PSG7: variants seen among roughly 807,000 people sequenced by gnomAD.
The protein encoded by PSG7 is pregnancy-specific beta-1-glycoprotein 7.
Under a neutral mutation model 45.6 loss-of-function variants are expected in PSG7, and 57 were observed. That is an observed-to-expected ratio of 1.25 (90% CI 1.01 to 1.56). The LOEUF is 1.56. Ranked by LOEUF, PSG7 falls within the 40% of genes most tolerant of loss-of-function variation. The pLI is 0.00. For missense variants in PSG7, 796 were observed against 508.4 expected, an observed-to-expected ratio of 1.57 and a Z score of -5.44; for synonymous variants, 298 against 194.4, an observed-to-expected ratio of 1.53 and a Z score of -4.43.
intron 3 of PSG7, chr19:42,926,963 G>A: frequency 2.7e-6 from 2 of 728,202 alleles, no homozygotes; most frequent in Non-Finnish European, 4.2e-6. Context: ...GCTGGGTCAT[G>A]GACAGACATG....
At chr19:42,933,395 T>G (rs1423205575) in intron 2 of PSG7, among the ~76,000 whole-genome samples, 1 of 141,276 alleles carries the variant, frequency 7.1e-6, no homozygotes, top group Non-Finnish European at 1.5e-5. Context: ...GAACTGCCTA[T>G]CCCTGTCCCA....
rs772154626 is a variant in PSG7 at position 42,924,191 on chromosome 19, A to C, written c.*617T>G. ...ATCAGTCTTACTGTCACGTTTTACA[A>C]TGTATCTCTTAGGAAATGGTGAGAG... is the stretch of plus-strand genomic sequence containing the variant. On this transcript the variant is annotated 3_prime_UTR_variant, in exon 6 of 6. Transcript: ENST00000406070. 25 of 182,136 alleles carry C rather than the reference A, an allele frequency of 1.4e-4. No homozygotes were observed. Among genetic ancestry groups the C allele is most frequent in the South Asian group, 1.9e-4 (1 of 5,354 alleles). 11.3% of individuals were successfully genotyped at this position (182,136 alleles called of 1,614,324 possible).
chr19:42,933,309 T>TA (rs1568459658), intron 2 of PSG7, among the ~76,000 whole-genome samples: 10 of 21,128 alleles, frequency 4.7e-4, no homozygotes, highest in Admixed American at 7.8e-4. Flanking sequence ...ATATATATAT[T>TA]TTTTTTTTTT....
At chr19:42,935,826 A>T in intron 1 of PSG7, 57 bp from the exon 2 acceptor site, 2 of 1,548,166 alleles carry the variant, frequency 1.3e-6, no homozygotes, top group Non-Finnish European at 1.7e-6. Context: ...GGTTGAAAAG[A>T]TGGGCCCCTG....
chr19:42,926,199 C>G, intron 4 of PSG7, 172 bp from the exon 5 acceptor site: 1 of 1,400,854 alleles, frequency 7.1e-7, no homozygotes, highest in Non-Finnish European at 9.6e-7. Context: ...TTTCTCCCAT[C>G]ACAAGCTGTG....
chr19:42,929,350 T>C, intron 3 of PSG7, 92 bp downstream of exon 3: 6 of 1,605,762 alleles, frequency 3.7e-6, no homozygotes, highest in South Asian at 1.1e-5. Context: ...AAGGTCTACA[T>C]ACTTGGACCT....
At chr19:42,931,769 C>A (rs1168217081) in intron 2 of PSG7, among the ~76,000 whole-genome samples, 1 of 151,600 alleles carries the variant, frequency 6.6e-6, no homozygotes, top group East Asian at 1.9e-4. Context: ...GGTCCCCAAA[C>A]CACCTGTATT....
chr19:42,924,623 G>A lies in PSG7; in HGVS notation c.*185C>T, dbSNP rs1261456210. 6.0e-6 allele frequency: 4 copies of A among 666,930 alleles called. No homozygotes were observed. Among genetic ancestry groups the A allele is most frequent in the Admixed American group, 4.6e-5 (2 of 43,150 alleles). The allele number at this position is 666,930 out of a possible 1,614,324, so 41.3% of individuals were successfully genotyped here. A position where few individuals can be genotyped will look rare whatever the true frequency, so the allele number is the denominator to read the frequency against. On this transcript the variant is annotated 3_prime_UTR_variant, in exon 6 of 6. Transcript: ENST00000406070. ...CTTGTTTTCCTTGTTTACAGTTTGA[G>A]CAGCTGTTGTTATGGTGTTGAACAT... is the stretch of plus-strand genomic sequence containing the variant.
rs376041907 is a variant in PSG7 at position 42,929,843 on chromosome 19, A to C, written c.431-123T>G. 6.4e-6 allele frequency: 9 copies of C among 1,406,442 alleles called. No homozygotes were observed. In the East Asian group the frequency reaches 7.0e-5, roughly 11 times the overall value. The allele number at this position is 1,406,442 out of a possible 1,614,324, so 87.1% of individuals were successfully genotyped here. On this transcript the variant is annotated intron_variant, in intron 2 of 5. Transcript: ENST00000406070. The stretch of plus-strand genomic sequence containing the variant: ...ACCCAAGTCCTTAAAAGCCCATGGC[A>C]GGTGTGTGTGTTACAAGACAGATGC...
intron 3 of PSG7, among the ~76,000 whole-genome samples, chr19:42,927,793 T>G (rs1972928426): frequency 6.6e-6 from 1 of 151,530 alleles, no homozygotes. Flanking sequence ...TGTTCATGGG[T>G]GGGCAGTTTC....
At position 42,931,479 on chromosome 19, in the gene PSG7, G is replaced by A. The variant is rs1207183479; in HGVS notation, c.431-1759C>T. Among the ~76,000 whole-genome samples, 3 of 151,594 alleles carry A rather than the reference G, an allele frequency of 2.0e-5. 1 individual carries two copies. Among genetic ancestry groups the A allele is most frequent in the Non-Finnish European group, 4.4e-5 (3 of 67,918 alleles). Reference sequence around the variant, plus strand: ...AGTGTTATGTTAGTAAATATAGAAAGAACTGCCTGCTTATAATTTCTGGGC... The same window carrying A: ...AGTGTTATGTTAGTAAATATAGAAAAAACTGCCTGCTTATAATTTCTGGGC... On this transcript the variant is annotated intron_variant, in intron 2 of 5. Coordinates refer to ENST00000406070, the MANE Select transcript of PSG7 (RefSeq NM_002783.3).
At chr19:42,932,847 A>C (rs1479802926) in intron 2 of PSG7, among the ~76,000 whole-genome samples, 1 of 151,438 alleles carries the variant, frequency 6.6e-6, no homozygotes, top group Non-Finnish European at 1.5e-5. Flanking sequence ...AGTTTCTATA[A>C]TCCCTGACTG....
At chr19:42,926,275 C>T (rs1355824027) in intron 4 of PSG7, 163 bp downstream of exon 4, 1 of 1,455,414 alleles carries the variant, frequency 6.9e-7, no homozygotes, top group Non-Finnish European at 9.2e-7. Flanking sequence ...CTGTGCCTAC[C>T]CAGGTTTTCC....
rs767915281 is a variant in PSG7, at chr19:42,926,702, G to A, written c.724C>T (p.Pro242Ser). The A allele has an allele frequency of 5.6e-6, 9 of 1,610,354 alleles. No homozygotes were observed. Among genetic ancestry groups the A allele is most frequent in the Non-Finnish European group, 5.1e-6 (6 of 1,178,964 alleles). ...TTTAAGTTATTGATGGTGATGTAGG[G>A]CTTGGGCAGCTTCGCTGTGTGAATA... ...TLNLLPKLPK[P>S]YITINNLNPR... Residue 242 changes from proline (P) to serine (S), a missense_variant, in exon 4 of 6, where the codon CCC (proline) becomes TCC (serine). By Grantham distance (74) the Pro-to-Ser change is moderately conservative. Coordinates refer to ENST00000406070, the MANE Select transcript of PSG7 (RefSeq NM_002783.3).
chr19:42,931,299 A>T (rs1973013890), intron 2 of PSG7, among the ~76,000 whole-genome samples: 2 of 151,464 alleles, frequency 1.3e-5, no homozygotes, highest in Non-Finnish European at 2.9e-5. Context: ...GTGTGCCGTG[A>T]ATTCCAGCAG....
chr19:42,934,851 G>C lies in PSG7; in HGVS notation c.430+553C>G, dbSNP rs577566188. 5.9e-5 allele frequency among the ~76,000 whole-genome samples: 9 copies of C among 151,748 alleles called. No individual in the cohort carries two copies. In the East Asian group the frequency reaches 7.8e-4, roughly 13 times the overall value. On this transcript the variant is annotated intron_variant, in intron 2 of 5. Transcript: ENST00000406070. ...AAAGCTCTGTCCTTGCCCAGATGAG[G>C]CTCTGAGGGCTGAGCCCTGGCTGGT...
At chr19:42,925,732 C>A (rs756049458) in intron 5 of PSG7, 41 bp downstream of exon 5, 10 of 1,610,850 alleles carry the variant, frequency 6.2e-6, no homozygotes, top group Non-Finnish European at 8.5e-6. Context: ...AGATAGACTG[C>A]ACCTAAAACC....
chr19:42,927,011 C>T (rs1962303), intron 3 of PSG7: 85,605 of 495,716 alleles, frequency 0.17, 9,915 homozygotes, highest in East Asian at 0.42. Flanking sequence ...CCTCCCAGTC[C>T]CTCACTAATG....
intron 1 of PSG7, 92 bp downstream of exon 1, chr19:42,936,920 CT>C: frequency 6.4e-7 from 1 of 1,556,844 alleles, no homozygotes; most frequent in South Asian, 1.1e-5. Context: ...GTGCTGGCTT[CT>C]TTTATTTTTT....
Sources: allele counts gnomAD v4.1 joint callset (sites outside exome capture counted in the v4.1 genomes callset), GRCh38; gene constraint gnomAD v4.1.1; transcripts MANE v1.5; gene names NCBI Gene and HGNC (gene_info 2026-07-23, HGNC 2026-07-21).